TAOK2: variants seen among roughly 807,000 people sequenced by gnomAD.
TAOK2 encodes serine/threonine-protein kinase TAO2.
TAOK2 carries 42 observed loss-of-function variants against 122.5 expected under a neutral mutation model. That is an observed-to-expected ratio of 0.34 (90% confidence interval 0.27 to 0.44). The LOEUF (loss-of-function observed/expected upper bound fraction) is 0.44, where lower values mean the gene tolerates loss of function less well. Ranked by LOEUF, TAOK2 falls within the 20% of genes least tolerant of loss-of-function variation. The probability of loss-of-function intolerance (pLI) is 1.00; values close to 1 mark genes in which losing one functional copy is unlikely to be tolerated. For missense variants in TAOK2, 1,264 were observed against 1,644.9 expected (o/e 0.77, Z 4.01); for synonymous variants, 704 against 677.6 (o/e 1.04, Z -0.61).
Position 29,979,794 on chromosome 16 carries a change from G to A in TAOK2, c.655+286G>A, listed in dbSNP as rs1258586152. On this transcript the variant is annotated intron_variant, in intron 8 of 15. Coordinates refer to ENST00000308893, the MANE Select transcript of TAOK2 (RefSeq NM_016151.4). This position sits in a 1 kb window ranked among gnomAD's most constrained non-coding sequence, Gnocchi z 4.1. Reference sequence around the variant, plus strand: ...GGACTGTGATTCTGGAGGGATAGCAGTGAATGAAAATCCTGCCCTCATGGA... The same window carrying A: ...GGACTGTGATTCTGGAGGGATAGCAATGAATGAAAATCCTGCCCTCATGGA... 2.0e-5 allele frequency among the ~76,000 whole-genome samples: 3 copies of A among 152,206 alleles called. No individual in the cohort carries two copies. Among genetic ancestry groups the A allele is most frequent in the Non-Finnish European group, 2.9e-5 (2 of 68,046 alleles).
intron 10 of TAOK2, 139 bp downstream of exon 10, chr16:29,982,079 A>G (rs2069635280): frequency 3.0e-6 from 2 of 667,836 alleles, no homozygotes; most frequent in East Asian, 5.4e-5. Flanking sequence ...CCCAATGCCT[A>G]GTGGACTCTG....
Position 29,974,337 on chromosome 16 carries a change from C to G in TAOK2, c.-347C>G, listed in dbSNP as rs1384831992. 6.6e-6 allele frequency: 1 copy of G among 152,618 alleles called. No individual in the cohort carries two copies. The highest frequency in any genetic ancestry group is 2.4e-5 in the African/African-American group (1 of 41,446). The allele number at this position is 152,618 out of a possible 1,614,324, so 9.5% of individuals were successfully genotyped here. A position where few individuals can be genotyped will look rare whatever the true frequency, so the allele number is the denominator to read the frequency against. ...GTGCACCAGTATCCGGGGTTCATTC[C>G]CCGGGCGTTCAAATATCGGATTCAG... On this transcript the variant is annotated 5_prime_UTR_variant, in exon 1 of 16. Transcript: ENST00000308893.
At position 29,979,949 on chromosome 16, in the gene TAOK2, G is replaced by A. The variant is rs111456458; in HGVS notation, c.655+441G>A. Among the ~76,000 whole-genome samples the A allele has an allele frequency of 6.6e-6, 1 of 152,212 alleles. No homozygotes were observed. The highest frequency in any genetic ancestry group is 1.5e-5 in the Non-Finnish European group (1 of 68,034). ...TGACCTAGTTTAGGGGCTGAAGAAG[G>A]CCTCCTTGTAGGAGAATATTGAAGC... On this transcript the variant is annotated intron_variant, in intron 8 of 15. Coordinates refer to ENST00000308893, the MANE Select transcript of TAOK2 (RefSeq NM_016151.4). This position sits in a 1 kb window ranked among gnomAD's most constrained non-coding sequence, Gnocchi z 4.1.
intron 10 of TAOK2, 46 bp from the exon 11 acceptor site, chr16:29,982,688 G>C (rs767220793): frequency 5.0e-6 from 8 of 1,586,802 alleles, no homozygotes; most frequent in Non-Finnish European, 6.0e-6. Context: ...GTGGGTTGTG[G>C]GGGGAAGGGG....
downstream of TAOK2, chr16:29,988,780 G>A: frequency 1.0e-6 from 1 of 985,392 alleles, no homozygotes; most frequent in Non-Finnish European, 1.2e-6. Flanking sequence ...GGACGGGGCT[G>A]CAGACCCTCC....
In TAOK2 at chr16:29,983,261, C is replaced by T. The variant is rs1462713646; in HGVS notation, c.1189C>T (p.Arg397Trp). 6.8e-6 allele frequency: 11 copies of T among 1,608,112 alleles called. No individual in the cohort carries two copies. The highest frequency in any genetic ancestry group is 1.3e-5 in the African/African-American group (1 of 74,874). ...GGAGGAGGAAGAAGGCCCTGAAGCC[C>T]GGGAGATGGCCATGATGCAGGAGGG... Reference protein sequence around the residue: ...EEEEEEGPEAREMAMMQEGEH... With the variant: ...EEEEEEGPEAWEMAMMQEGEH... The change falls in exon 12 of 16, where the codon CGG becomes TGG. Residue 397 changes from arginine to tryptophan, a missense_variant. By Grantham distance (101) the Arg-to-Trp change is moderately radical. Transcript: ENST00000308893.
downstream of TAOK2, chr16:29,991,450 CGGG>C: frequency 6.6e-7 from 1 of 1,507,778 alleles, no homozygotes; most frequent in African/African-American, 1.4e-5. The surrounding 1 kb of genome is among the most constrained non-coding windows in gnomAD (Gnocchi z 5.6). Flanking sequence ...CGGGCAGCCT[CGGG>C]GGGCAGTGGC....
At chr16:29,984,977 G>A (rs1747470203) in intron 13 of TAOK2, 3 of 392,918 alleles carry the variant, frequency 7.6e-6, no homozygotes, top group Non-Finnish European at 1.3e-5. Context: ...TCCTACTTTT[G>A]TGCCAGGCCC....
At chr16:29,984,453 G>A (rs544075620) in intron 13 of TAOK2, among the ~76,000 whole-genome samples, 11 of 152,296 alleles carry the variant, frequency 7.2e-5, no homozygotes, top group Admixed American at 1.3e-4. Flanking sequence ...GCATTTGAGC[G>A]TCAACAATCC....
intron 12 of TAOK2, 70 bp from the exon 13 acceptor site, chr16:29,983,433 C>A: frequency 6.4e-7 from 1 of 1,564,398 alleles, no homozygotes; most frequent in Admixed American, 1.8e-5. Flanking sequence ...GTCTGATTGG[C>A]TGTCCTCAGG....
chr16:29,988,663 C>G (rs1259491343), downstream of TAOK2: 5 of 985,328 alleles, frequency 5.1e-6, no homozygotes, highest in Admixed American at 1.2e-4. Context: ...TTCCAGAGGT[C>G]TTAGTTTCCA....
At chr16:29,983,012 T>C in intron 11 of TAOK2, 60 bp from the exon 12 acceptor site, 1 of 1,608,346 alleles carries the variant, frequency 6.2e-7, no homozygotes, top group South Asian at 1.1e-5. Context: ...CCATGCTACC[T>C]CCATGCATAT....
At chr16:29,975,053 G>C (rs780773007) in intron 1 of TAOK2, among the ~76,000 whole-genome samples, 1 of 152,070 alleles carries the variant, frequency 6.6e-6, no homozygotes, top group Non-Finnish European at 1.5e-5. Flanking sequence ...CTGCTTATCT[G>C]CTTTTCAGGC....
downstream of TAOK2, chr16:29,989,878 T>C: frequency 1.3e-6 from 2 of 1,487,586 alleles, no homozygotes; most frequent in East Asian, 2.4e-5. Context: ...AAATGGACGG[T>C]GCAGGGCATG....
At chr16:29,991,908 A>G (rs948493965), downstream of TAOK2, 3 of 204,994 alleles carry the variant, frequency 1.5e-5, no homozygotes, top group African/African-American at 6.9e-5. The surrounding 1 kb of genome is among the most constrained non-coding windows in gnomAD (Gnocchi z 5.6). Flanking sequence ...TATTCAGAGA[A>G]CTATACTACC....
Position 29,987,494 on chromosome 16 carries a change from C to T in TAOK2, c.3222C>T (p.Gly1074=). The change falls in exon 16 of 16, where the codon GGC becomes GGT. Residue 1074 remains glycine, a synonymous_variant. Transcript: ENST00000308893. ...GGGGCAGATGGGTGCGGCAGCAGGG[C>T]CCCCGGGTGCGCCGGGGCATATCTC... ...AAGGRWVRQQ[G]PRVRRGISRL... The T allele has an allele frequency of 9.4e-6, 15 of 1,595,278 alleles. No homozygotes were observed. The highest frequency in any genetic ancestry group is 1.3e-5 in the Non-Finnish European group (15 of 1,169,360).
Position 29,987,378 on chromosome 16 carries a change from C to T in TAOK2, c.3106C>T (p.Arg1036Ter), listed in dbSNP as rs1459511676. ...GGCCGTCCTGGGCCTGAGCTGGCGC[C>T]GAGGCCTCATGGGTGTTCCCCTGGG... ...LGAVLGLSWR[R>*]GLMGVPLGLG... The change falls in exon 16 of 16, where the codon CGA (arginine) becomes TGA (stop). Residue 1036 changes from arginine to a stop codon, truncating the protein, a stop_gained. Transcript: ENST00000308893. LOFTEE classifies it high-confidence loss of function. The T allele has an allele frequency of 5.6e-6, 9 of 1,600,120 alleles. No individual in the cohort carries two copies. Among genetic ancestry groups the T allele is most frequent in the Admixed American group, 1.7e-5 (1 of 58,264 alleles).
At chr16:29,982,632 G>C in intron 10 of TAOK2, 102 bp from the exon 11 acceptor site, 2 of 1,471,578 alleles carry the variant, frequency 1.4e-6, no homozygotes, top group South Asian at 1.3e-5. Context: ...CGTGGTGGGC[G>C]TGGGCCCCAG....
rs559551824 is a variant in TAOK2, at chr16:29,986,392, G to T, written c.2120G>T (p.Arg707Leu). The T allele has an allele frequency of 1.2e-6, 2 of 1,610,772 alleles. No individual in the cohort carries two copies. Among genetic ancestry groups the T allele is most frequent in the Non-Finnish European group, 1.7e-6 (2 of 1,178,284 alleles). The change falls in exon 16 of 16, where the codon CGC (arginine) becomes CTC (leucine). Residue 707 changes from arginine to leucine, a missense_variant. Transcript: ENST00000308893. This position sits in a 1 kb window ranked among gnomAD's most constrained non-coding sequence, Gnocchi z 4.2. Reference sequence around the variant, plus strand: ...CAGCGCACGCGGGCTGAGCTCACCCGCCTGCAGCACCAGACGGAGCTGGGC... The same window carrying T: ...CAGCGCACGCGGGCTGAGCTCACCCTCCTGCAGCACCAGACGGAGCTGGGC... ...AVQRTRAELTRLQHQTELGNQ... is the reference protein window; with the variant it reads ...AVQRTRAELTLLQHQTELGNQ...
Sources: allele counts gnomAD v4.1 joint callset (sites outside exome capture counted in the v4.1 genomes callset), GRCh38; gene constraint gnomAD v4.1.1; non-coding constraint Gnocchi (gnomAD v3.1); transcripts MANE v1.5; gene names NCBI Gene and HGNC (gene_info 2026-07-23, HGNC 2026-07-21).